PPCDC: variants seen among roughly 807,000 people sequenced by gnomAD.
The protein encoded by PPCDC is phosphopantothenoylcysteine decarboxylase.
A neutral mutation model predicts 20.7 loss-of-function variants in PPCDC; 20 were observed. The observed-to-expected ratio is 0.97, with a 90% CI of 0.68 to 1.41. PPCDC has a LOEUF of 1.41. Ranked by LOEUF, PPCDC falls within the 40% of genes most tolerant of loss-of-function variation. The pLI is 0.00. For missense variants in PPCDC, 246 were observed against 263.8 expected, an observed-to-expected ratio of 0.93 and a Z score of 0.47; for synonymous variants, 88 against 100.3, an observed-to-expected ratio of 0.88 and a Z score of 0.73.
rs1033825458 is a variant in PPCDC, at chr15:75,050,476, T to G, written c.*1241T>G. 3 of 152,444 alleles carry G rather than the reference T, an allele frequency of 2.0e-5. No individual in the cohort carries two copies. Among genetic ancestry groups the G allele is most frequent in the African/African-American group, 7.2e-5 (3 of 41,468 alleles). The allele number at this position is 152,444 out of a possible 1,614,324, so 9.4% of individuals were successfully genotyped here. A position where few individuals can be genotyped will look rare whatever the true frequency, so the allele number is the denominator to read the frequency against. On this transcript the variant is annotated 3_prime_UTR_variant, in exon 6 of 6. Coordinates refer to ENST00000342932, the MANE Select transcript of PPCDC (RefSeq NM_021823.5). ...GTGGCTGCAGCGGGGAGGGCTTGTC[T>G]GCGTATTTGGAGCTGAGGCTGAGGC...
chr15:75,047,628 T>A (rs1308644673), intron 4 of PPCDC, among the ~76,000 whole-genome samples: 2 of 152,202 alleles, frequency 1.3e-5, no homozygotes, highest in African/African-American at 4.8e-5. Context: ...CAGGAGTCAC[T>A]GCCCTGGAGC....
chr15:75,043,477 C>A lies in PPCDC; in HGVS notation c.172C>A (p.His58Asn). 1 of 1,613,280 alleles carries A rather than the reference C, an allele frequency of 6.2e-7. No individual in the cohort carries two copies. Reference protein sequence around the residue: ...VAVVTTERAKHFYSPQDIPVT... With the variant: ...VAVVTTERAKNFYSPQDIPVT... Reference sequence around the variant, plus strand: ...AGTGGTCACAACTGAGAGAGCCAAACATTTCTACAGCCCCCAGGACATTCC... The same window carrying A: ...AGTGGTCACAACTGAGAGAGCCAAAAATTTCTACAGCCCCCAGGACATTCC... Residue 58 changes from histidine to asparagine, a missense_variant, in exon 3 of 6, where the codon CAT (histidine) becomes AAT (asparagine). Physicochemically the swap from His to Asn is moderately conservative, Grantham distance 68. Transcript: ENST00000342932.
At chr15:75,026,890 A>G (rs768204262) in intron 1 of PPCDC, among the ~76,000 whole-genome samples, 9 of 151,788 alleles carry the variant, frequency 5.9e-5, no homozygotes, top group Non-Finnish European at 1.0e-4. Context: ...GGAGGGAATG[A>G]CCCTGGACCA....
chr15:75,049,591 T>A lies in PPCDC; in HGVS notation c.*356T>A. On this transcript the variant is annotated 3_prime_UTR_variant, in exon 6 of 6. Coordinates refer to ENST00000342932, the MANE Select transcript of PPCDC (RefSeq NM_021823.5). The stretch of plus-strand genomic sequence containing the variant: ...TTTTAGAAACACCACAGCTGGAGAG[T>A]CCTGGCTGAGCCTTGGGAGTTTCAG... 1 of 210,934 alleles carries A rather than the reference T, an allele frequency of 4.7e-6. No homozygotes were observed. The highest frequency in any genetic ancestry group is 9.5e-6 in the Non-Finnish European group (1 of 105,242). 13.1% of individuals were successfully genotyped at this position (210,934 alleles called of 1,614,324 possible). A position where few individuals can be genotyped will look rare whatever the true frequency, so the allele number is the denominator to read the frequency against.
intron 2 of PPCDC, among the ~76,000 whole-genome samples, chr15:75,033,526 TG>T (rs2066050188): frequency 6.6e-6 from 1 of 152,200 alleles, no homozygotes; most frequent in African/African-American, 2.4e-5. Flanking sequence ...TTTTTTTGTT[TG>T]TTTGTTTGTT....
At chr15:75,026,141 G>A (rs3850093) in intron 1 of PPCDC, among the ~76,000 whole-genome samples, 44,918 of 151,976 alleles carry the variant, frequency 0.3, 7,580 homozygotes, top group East Asian at 0.61. Flanking sequence ...TGATGTGGAG[G>A]AGGTTCAGGG....
chr15:75,040,415 G>A (rs1442008655), intron 2 of PPCDC, among the ~76,000 whole-genome samples: 1 of 152,144 alleles, frequency 6.6e-6, no homozygotes, highest in African/African-American at 2.4e-5. Flanking sequence ...ATTTTAATGG[G>A]CTTCTGGGAG....
At chr15:75,044,711 G>A in intron 4 of PPCDC, 197 bp downstream of exon 4, 1 of 694,704 alleles carries the variant, frequency 1.4e-6, no homozygotes, top group East Asian at 3.4e-5. Context: ...GGTCCTGATG[G>A]GTCAGTGTGA....
intron 1 of PPCDC, among the ~76,000 whole-genome samples, chr15:75,027,982 A>G (rs1197386816): frequency 6.6e-6 from 1 of 152,150 alleles, no homozygotes; most frequent in Admixed American, 6.5e-5. Flanking sequence ...TTTTTCTGGG[A>G]TGCAATCTCT....
chr15:75,039,536 A>G (rs1357444990), intron 2 of PPCDC, among the ~76,000 whole-genome samples: 8 of 152,154 alleles, frequency 5.3e-5, no homozygotes, highest in Non-Finnish European at 1.2e-4. Context: ...GTATTCAGCT[A>G]TCTGCCTCAT....
intron 2 of PPCDC, among the ~76,000 whole-genome samples, chr15:75,040,391 ATTACT>A (rs1018226385): frequency 5.3e-5 from 8 of 152,170 alleles, no homozygotes; most frequent in African/African-American, 9.7e-5. Context: ...TTTAAAAAAA[ATTACT>A]TTACTTTTAT....
chr15:75,030,321 G>T (rs769165154), intron 2 of PPCDC, among the ~76,000 whole-genome samples: 1 of 152,242 alleles, frequency 6.6e-6, no homozygotes, highest in Admixed American at 6.5e-5. Flanking sequence ...AGCCTGGCAT[G>T]TTGAAGCACT....
At chr15:75,028,141 G>C in intron 1 of PPCDC, 106 bp from the exon 2 acceptor site, 1 of 771,746 alleles carries the variant, frequency 1.3e-6, no homozygotes. Context: ...CAGGACTGCT[G>C]ATCCCTTCCG....
chr15:75,028,902 A>G lies in PPCDC; in HGVS notation c.135+449A>G, dbSNP rs1376261868. 2.0e-5 allele frequency among the ~76,000 whole-genome samples: 3 copies of G among 152,088 alleles called. No individual in the cohort carries two copies. The East Asian group carries it at 5.8e-4, about 29-fold the overall frequency. ...ACCTCATGGTTGTCTTGTCAGTCAA[A>G]TGCTCTGAAACCCCATTGTCTGAAG... On this transcript the variant is annotated intron_variant, in intron 2 of 5. Coordinates refer to ENST00000342932, the MANE Select transcript of PPCDC (RefSeq NM_021823.5).
At chr15:75,033,519 T>G (rs569160279) in intron 2 of PPCDC, among the ~76,000 whole-genome samples, 1 of 152,268 alleles carries the variant, frequency 6.6e-6, no homozygotes, top group South Asian at 2.1e-4. Context: ...GTGTGTGTTT[T>G]TTTGTTTGTT....
intron 2 of PPCDC, among the ~76,000 whole-genome samples, chr15:75,042,631 C>T (rs67324798): frequency 0.32 from 45,033 of 140,680 alleles, 8,029 homozygotes; most frequent in East Asian, 0.61. Context: ...CCAGCCTGGG[C>T]GACAAAGTAA....
At chr15:75,039,055 G>T (rs2066120193) in intron 2 of PPCDC, among the ~76,000 whole-genome samples, 1 of 151,800 alleles carries the variant, frequency 6.6e-6, no homozygotes, top group Non-Finnish European at 1.5e-5. Flanking sequence ...ATTGTCTCTG[G>T]GTTTCTATTT....
chr15:75,036,289 C>A (rs1044526258), intron 2 of PPCDC, among the ~76,000 whole-genome samples: 1 of 152,178 alleles, frequency 6.6e-6, no homozygotes, highest in Non-Finnish European at 1.5e-5. Flanking sequence ...GTACAGGGCC[C>A]AGCCCTTGGC....
intron 2 of PPCDC, among the ~76,000 whole-genome samples, chr15:75,041,766 T>C (rs1047936190): frequency 2.0e-5 from 3 of 152,228 alleles, no homozygotes; most frequent in Non-Finnish European, 4.4e-5. Context: ...CTTTCTGAAG[T>C]TCTTCCTCAG....
Sources: gnomAD v4.1 joint callset for allele counts (sites outside exome capture counted in the v4.1 genomes callset) on GRCh38, gnomAD v4.1.1 for gene constraint, MANE v1.5 for transcripts, NCBI Gene and HGNC (gene_info 2026-07-23, HGNC 2026-07-21) for gene names.